Variants in ARHGEF11 observed in about 807,000 individuals in gnomAD.
The protein encoded by ARHGEF11 is Rho guanine nucleotide exchange factor 11, also known as Rho guanine exchange factor (GEF) 11.
In ARHGEF11, 55 loss-of-function variants were observed where a neutral mutation model predicts 193.7. The observed-to-expected ratio is 0.28, with a 90% CI of 0.23 to 0.36. The LOEUF (loss-of-function observed/expected upper bound fraction) is 0.36. Among genes scored for constraint, ARHGEF11 ranks in the 10% least tolerant of loss-of-function variants. The pLI, the probability that ARHGEF11 is intolerant of heterozygous loss-of-function variation, is 1.00. For synonymous variants in ARHGEF11, 693 were observed against 768.0 expected (o/e 0.90, Z 1.62); for missense variants, 1,723 against 2,005.6 (o/e 0.86, Z 2.69).
intron 11 of ARHGEF11, among the ~76,000 whole-genome samples, chr1:156,964,767 T>C (rs73008727): frequency 0.021 from 3,198 of 152,188 alleles, 90 homozygotes; most frequent in African/African-American, 0.066. Context: ...CCCAGACACA[T>C]CCTGAGTATC....
intron 34 of ARHGEF11, 132 bp downstream of exon 34, chr1:156,941,732 G>T: frequency 1.5e-6 from 2 of 1,348,378 alleles, no homozygotes; most frequent in Non-Finnish European, 2.0e-6. Flanking sequence ...GCCAGCACTT[G>T]GAGCTGTCTG....
rs116575918 is a variant in ARHGEF11, at chr1:157,018,355, A to G, written c.32+25944T>C. Among the ~76,000 whole-genome samples the G allele has an allele frequency of 6.2e-3, 945 of 152,160 alleles. 9 individuals are homozygous for G. The highest frequency in any genetic ancestry group is 0.022 in the African/African-American group (899 of 41,518). On this transcript the variant is annotated intron_variant, in intron 1 of 40. Coordinates refer to ENST00000368194, the MANE Select transcript of ARHGEF11 (RefSeq NM_198236.3). ...ATTCCAAAATCTATATAGAAATGAA[A>G]AAGACCAGCCGGGCGCGGTGGCTCA...
At position 157,037,563 on chromosome 1, in the gene ARHGEF11, C is replaced by T. The variant is rs1375971147; in HGVS notation, c.32+6736G>A. The stretch of plus-strand genomic sequence containing the variant: ...GTGTTGCTCCTCTAGTCTGAAATGG[C>T]CTCTTCTCTTTCTTCGACCTGAATA... On this transcript the variant is annotated intron_variant, in intron 1 of 40. Transcript: ENST00000368194. 2.0e-5 allele frequency among the ~76,000 whole-genome samples: 3 copies of T among 152,190 alleles called. No homozygotes were observed. In the East Asian group the frequency reaches 5.8e-4, roughly 29 times the overall value.
intron 1 of ARHGEF11, among the ~76,000 whole-genome samples, chr1:157,016,369 G>A (rs1669232388): frequency 6.6e-6 from 1 of 151,824 alleles, no homozygotes; most frequent in South Asian, 2.1e-4. Flanking sequence ...ATAGACACCT[G>A]CCACCACACC....
chr1:157,042,574 C>T (rs985117946), intron 1 of ARHGEF11, among the ~76,000 whole-genome samples: 2 of 152,190 alleles, frequency 1.3e-5, no homozygotes, highest in African/African-American at 4.8e-5. Context: ...ACCTCTGATG[C>T]TTCTGTCTAC....
intron 10 of ARHGEF11, 116 bp downstream of exon 10, chr1:156,969,166 G>T: frequency 1.2e-6 from 1 of 819,814 alleles, no homozygotes; most frequent in South Asian, 1.6e-5. Flanking sequence ...CTTGGAACTA[G>T]AACGATGGAA....
rs377145948 is a variant in ARHGEF11, at chr1:156,941,358, T to G, written c.3514+14A>C. On this transcript the variant is annotated intron_variant, in intron 35 of 40. Transcript: ENST00000368194. ...GCCTGGGCTGGCTCCCACAGGACAG[T>G]TCAGGGCCCTTACCTCCAGGCAGCT... 5.0e-6 allele frequency: 8 copies of G among 1,612,392 alleles called. No individual in the cohort carries two copies. The highest frequency in any genetic ancestry group is 5.9e-6 in the Non-Finnish European group (7 of 1,178,912).
chr1:157,029,567 C>A (rs965273696), intron 1 of ARHGEF11, among the ~76,000 whole-genome samples: 1 of 152,158 alleles, frequency 6.6e-6, no homozygotes, highest in South Asian at 2.1e-4. Context: ...CCACTGTGCC[C>A]GGCTGTGCAA....
chr1:156,942,894 G>T, intron 32 of ARHGEF11, 114 bp from the exon 33 acceptor site: 1 of 818,404 alleles, frequency 1.2e-6, no homozygotes, highest in Non-Finnish European at 2.1e-6. Context: ...CGCAGATGGA[G>T]AGTGCAGCAC....
chr1:156,981,991 C>T (rs911582047), intron 3 of ARHGEF11, among the ~76,000 whole-genome samples: 1 of 152,186 alleles, frequency 6.6e-6, no homozygotes, highest in Non-Finnish European at 1.5e-5. Flanking sequence ...AAGAAAAATT[C>T]AGTGATGACT....
rs528342326 is a variant in ARHGEF11, at chr1:156,998,965, G to A, written c.33-12792C>T. ...TAAAGCAACTTTCAGGAAGATCCAA[G>A]ATCTGATTATTAGGAGTAGAAGTCA... is the stretch of plus-strand genomic sequence containing the variant. On this transcript the variant is annotated intron_variant, in intron 1 of 40. Coordinates refer to ENST00000368194, the MANE Select transcript of ARHGEF11 (RefSeq NM_198236.3). 6.6e-4 allele frequency among the ~76,000 whole-genome samples: 100 copies of A among 152,290 alleles called. 2 individuals carry two copies. Among genetic ancestry groups the A allele is most frequent in the Non-Finnish European group, 1.2e-3 (82 of 68,018 alleles).
intron 1 of ARHGEF11, among the ~76,000 whole-genome samples, chr1:157,012,420 G>A (rs1467554015): frequency 6.6e-6 from 1 of 152,154 alleles, no homozygotes; most frequent in Non-Finnish European, 1.5e-5. Context: ...TGGCACAACT[G>A]TGACTATACT....
At chr1:156,990,922 A>T (rs1665608627) in intron 1 of ARHGEF11, among the ~76,000 whole-genome samples, 1 of 152,212 alleles carries the variant, frequency 6.6e-6, no homozygotes, top group Non-Finnish European at 1.5e-5. Flanking sequence ...TACAAACAAG[A>T]TCTGACTGCT....
chr1:156,991,690 G>T (rs1395329248), intron 1 of ARHGEF11, among the ~76,000 whole-genome samples: 1 of 142,080 alleles, frequency 7.0e-6, no homozygotes, highest in African/African-American at 2.6e-5. Context: ...GAATTTTAGG[G>T]TTTTCTTTTT....
intron 3 of ARHGEF11, among the ~76,000 whole-genome samples, chr1:156,983,277 C>T (rs1166839853): frequency 6.6e-6 from 1 of 152,190 alleles, no homozygotes; most frequent in Non-Finnish European, 1.5e-5. Context: ...GGCTGAAGTG[C>T]AGTGGCACGA....
chr1:156,944,345 C>T lies in ARHGEF11; in HGVS notation c.3067+13G>A, dbSNP rs777476016. ...TACAGGTTCCTGCTCAGTCCCAGTCCCCTGGCACATACCCAAGGTCTTATC... is the reference window on the plus strand; with the variant it reads ...TACAGGTTCCTGCTCAGTCCCAGTCTCCTGGCACATACCCAAGGTCTTATC... On this transcript the variant is annotated intron_variant, in intron 31 of 40. Coordinates refer to ENST00000368194, the MANE Select transcript of ARHGEF11 (RefSeq NM_198236.3). 3.1e-6 allele frequency: 5 copies of T among 1,613,756 alleles called. No individual in the cohort carries two copies. The highest frequency in any genetic ancestry group is 3.4e-6 in the Non-Finnish European group (4 of 1,179,712).
chr1:156,953,020 C>T (rs1031419673), intron 21 of ARHGEF11, among the ~76,000 whole-genome samples: 2 of 152,218 alleles, frequency 1.3e-5, no homozygotes, highest in African/African-American at 4.8e-5. Context: ...TTGGAAAATG[C>T]ACAATTAATG....
At chr1:156,950,677 AAACAAACG>A (rs200490257) in intron 22 of ARHGEF11, among the ~76,000 whole-genome samples, 2,413 of 152,214 alleles carry the variant, frequency 0.016, 72 homozygotes, top group African/African-American at 0.056. Context: ...ACAAACAAAC[AAACAAACG>A]AAGGCAAAAT....
chr1:157,007,899 GTT>G (rs11290114), intron 1 of ARHGEF11, among the ~76,000 whole-genome samples: 18 of 128,942 alleles, frequency 1.4e-4, no homozygotes, highest in East Asian at 4.6e-4. Context: ...GAAGGCAAAG[GTT>G]TTTTTTTTTT....
Sources: allele counts gnomAD v4.1 joint callset (sites outside exome capture counted in the v4.1 genomes callset), GRCh38; gene constraint gnomAD v4.1.1; transcripts MANE v1.5; gene names NCBI Gene and HGNC (gene_info 2026-07-23, HGNC 2026-07-21).